Variants in HS3ST2 observed in about 807,000 individuals in gnomAD.
The protein encoded by HS3ST2 is heparan sulfate-glucosamine 3-sulfotransferase 2, also known as heparan sulfate glucosamine 3-O-sulfotransferase 2.
In HS3ST2, 17 loss-of-function variants were observed where a neutral mutation model predicts 26.3. The ratio of observed to expected loss-of-function variants is 0.65; its 90% CI spans 0.44 to 0.97. The LOEUF (loss-of-function observed/expected upper bound fraction) is 0.97, where lower values mean the gene tolerates loss of function less well. Ranked by LOEUF, HS3ST2 falls within the 50% of genes least tolerant of loss-of-function variation. HS3ST2 has a pLI of 0.00. For synonymous variants in HS3ST2, 237 were observed against 219.2 expected (o/e 1.08, Z -0.72); for missense variants, 402 against 501.2 (o/e 0.80, Z 1.89).
intron 1 of HS3ST2, among the ~76,000 whole-genome samples, chr16:22,864,314 G>A (rs947393561): frequency 2.0e-5 from 3 of 152,208 alleles, no homozygotes; most frequent in African/African-American, 7.2e-5. Context: ...CAGAAAGAGG[G>A]TTGATTATCA....
At chr16:22,820,162 T>C (rs1049803229) in intron 1 of HS3ST2, among the ~76,000 whole-genome samples, 7 of 151,890 alleles carry the variant, frequency 4.6e-5, no homozygotes, top group African/African-American at 9.7e-5. Flanking sequence ...AACCATTGAG[T>C]CCATAAACCC....
chr16:22,832,162 T>C (rs1216768535), intron 1 of HS3ST2, among the ~76,000 whole-genome samples: 1 of 149,614 alleles, frequency 6.7e-6, no homozygotes, highest in East Asian at 2.0e-4. Flanking sequence ...TTTTTTTTTT[T>C]TTTTTTTAAT....
chr16:22,822,073 C>T (rs1901002893), intron 1 of HS3ST2, among the ~76,000 whole-genome samples: 1 of 152,304 alleles, frequency 6.6e-6, no homozygotes, highest in African/African-American at 2.4e-5. Flanking sequence ...TAAAGGACCT[C>T]TCACACTGCC....
chr16:22,814,585 G>T lies in HS3ST2; in HGVS notation c.-26G>T. On this transcript the variant is annotated 5_prime_UTR_variant, in exon 1 of 2. An upstream start codon of the reference 5' UTR is lost. Coordinates refer to ENST00000261374, the MANE Select transcript of HS3ST2 (RefSeq NM_006043.2). ...CCGCCGGTGCCCCCTCGGAAACCAT[G>T]ACCCCCGGCGCGGGCCCATGGAGCC... 2 of 1,499,392 alleles carry T rather than the reference G, an allele frequency of 1.3e-6. No homozygotes were observed. The highest frequency in any genetic ancestry group is 1.8e-6 in the Non-Finnish European group (2 of 1,128,664). 92.9% of individuals were successfully genotyped at this position (1,499,392 alleles called of 1,614,324 possible). A position where few individuals can be genotyped will look rare whatever the true frequency, so the allele number is the denominator to read the frequency against.
Position 22,855,092 on chromosome 16 carries a change from TTACTC to T in HS3ST2, c.485+40000_485+40004del, listed in dbSNP as rs1321231058. Among the ~76,000 whole-genome samples the T allele has an allele frequency of 5.3e-5, 8 of 152,314 alleles. No individual in the cohort carries two copies. In the East Asian group the frequency reaches 1.2e-3, roughly 22 times the overall value. On this transcript the variant is annotated intron_variant, in intron 1 of 1. Transcript: ENST00000261374. ...AGTAGAAAGCAAATGCTGTTGGAATTTACTCTATTTCCTGCAGTAAATCATTTTCC... is the reference window on the plus strand; with the variant it reads ...AGTAGAAAGCAAATGCTGTTGGAATTTATTTCCTGCAGTAAATCATTTTCC...
intron 1 of HS3ST2, among the ~76,000 whole-genome samples, chr16:22,910,626 A>G (rs1902413963): frequency 6.6e-6 from 1 of 152,212 alleles, no homozygotes; most frequent in South Asian, 2.1e-4. Flanking sequence ...TGTCTACTCA[A>G]TACTAACAAA....
chr16:22,879,093 A>C (rs548257894), intron 1 of HS3ST2, among the ~76,000 whole-genome samples: 2 of 152,244 alleles, frequency 1.3e-5, no homozygotes, highest in Non-Finnish European at 2.9e-5. Flanking sequence ...ACCCATCTCC[A>C]TAAATCAGTG....
chr16:22,878,969 A>T (rs1026017122), intron 1 of HS3ST2, among the ~76,000 whole-genome samples: 14 of 152,228 alleles, frequency 9.2e-5, no homozygotes, highest in African/African-American at 3.1e-4. Context: ...AACAGGGCAG[A>T]GGGTCTCCTG....
At chr16:22,841,920 C>A (rs1325523865) in intron 1 of HS3ST2, among the ~76,000 whole-genome samples, 1 of 152,232 alleles carries the variant, frequency 6.6e-6, no homozygotes, top group African/African-American at 2.4e-5. Flanking sequence ...CCCTGGAAGA[C>A]CTAATTCCAG....
chr16:22,821,798 C>T (rs1444246985), intron 1 of HS3ST2, among the ~76,000 whole-genome samples: 2 of 152,120 alleles, frequency 1.3e-5, no homozygotes, highest in Non-Finnish European at 2.9e-5. Context: ...GGGTAAAAGC[C>T]ACCCGGGAGG....
In HS3ST2 at chr16:22,870,622, C is replaced by T. The variant is rs577150424; in HGVS notation, c.486-44322C>T. On this transcript the variant is annotated intron_variant, in intron 1 of 1. Coordinates refer to ENST00000261374, the MANE Select transcript of HS3ST2 (RefSeq NM_006043.2). The stretch of plus-strand genomic sequence containing the variant: ...TGTTCTGTTCCAGCAACACTGGCTT[C>T]CTCCCTGTCCCCCGGAAACACCAGG... Among the ~76,000 whole-genome samples the T allele has an allele frequency of 5.1e-4, 77 of 152,282 alleles. 1 individual carries two copies. The Middle Eastern group carries it at 0.01, about 20-fold the overall frequency.
Position 22,846,629 on chromosome 16 carries a change from C to T in HS3ST2, c.485+31534C>T, listed in dbSNP as rs746474826. Among the ~76,000 whole-genome samples the T allele has an allele frequency of 4.6e-5, 7 of 152,052 alleles. No individual in the cohort carries two copies. In the East Asian group the frequency reaches 7.7e-4, roughly 17 times the overall value. ...AGACTGGCAAAAATCAGAAAAATGC[C>T]GCATGTTGGAGTCATGAGAGGTTCG... On this transcript the variant is annotated intron_variant, in intron 1 of 1. Coordinates refer to ENST00000261374, the MANE Select transcript of HS3ST2 (RefSeq NM_006043.2).
intron 1 of HS3ST2, among the ~76,000 whole-genome samples, chr16:22,902,931 TAAA>T (rs1902299692): frequency 6.6e-6 from 1 of 152,190 alleles, no homozygotes; most frequent in Non-Finnish European, 1.5e-5. Flanking sequence ...ATATAAAACA[TAAA>T]AAGATATGAA....
intron 1 of HS3ST2, among the ~76,000 whole-genome samples, chr16:22,907,884 T>C (rs541824491): frequency 2.7e-4 from 41 of 152,208 alleles, no homozygotes; most frequent in African/African-American, 9.6e-4. Context: ...ACACCTGTAA[T>C]CCCAGCACTT....
chr16:22,900,289 G>A (rs1405482225), intron 1 of HS3ST2, among the ~76,000 whole-genome samples: 1 of 152,216 alleles, frequency 6.6e-6, no homozygotes, highest in Non-Finnish European at 1.5e-5. Flanking sequence ...GGGGGATAAA[G>A]ATCCCTTTGG....
At chr16:22,890,534 T>C (rs561410293) in intron 1 of HS3ST2, among the ~76,000 whole-genome samples, 2 of 152,338 alleles carry the variant, frequency 1.3e-5, no homozygotes, top group African/African-American at 2.4e-5. Flanking sequence ...AGGAAGGCTC[T>C]TTTAATGCAA....
intron 1 of HS3ST2, among the ~76,000 whole-genome samples, chr16:22,857,275 A>G (rs1901608916): frequency 6.6e-6 from 1 of 152,206 alleles, no homozygotes; most frequent in South Asian, 2.1e-4. Context: ...AAATTGTTTC[A>G]CAAGACGCTT....
chr16:22,847,864 GAAAA>G (rs539238156), intron 1 of HS3ST2, among the ~76,000 whole-genome samples: 10 of 113,108 alleles, frequency 8.8e-5, no homozygotes, highest in East Asian at 2.4e-4. Flanking sequence ...AGGAGAAAAA[GAAAA>G]AAAAAGAAAG....
At chr16:22,866,386 G>GTA (rs1220607000) in intron 1 of HS3ST2, among the ~76,000 whole-genome samples, 46 of 150,264 alleles carry the variant, frequency 3.1e-4, no homozygotes, top group African/African-American at 9.3e-4. Flanking sequence ...GTGTGTGTGT[G>GTA]TGTGTGTGTG....
Sources: gnomAD v4.1 joint callset for allele counts (sites outside exome capture counted in the v4.1 genomes callset) on GRCh38, gnomAD v4.1.1 for gene constraint, MANE v1.5 for transcripts, NCBI Gene and HGNC (gene_info 2026-07-23, HGNC 2026-07-21) for gene names.